Variants in GABRA3 observed in about 807,000 individuals in gnomAD.
GABRA3 encodes gamma-aminobutyric acid receptor subunit alpha-3.
GABRA3 carries 10 observed loss-of-function variants against 30.1 expected under a neutral mutation model. The ratio of observed to expected loss-of-function variants is 0.33; its 90% confidence interval spans 0.20 to 0.56. The LOEUF (loss-of-function observed/expected upper bound fraction) is 0.56. GABRA3 is among the 20% of genes least tolerant of loss of function. The pLI is 0.89. For missense variants in GABRA3, 233 were observed against 392.0 expected (o/e 0.59, Z 3.42); for synonymous variants, 151 against 146.8 (o/e 1.03, Z -0.21).
At chrX:152,387,390 A>G (rs989463791) in intron 1 of GABRA3, among the ~76,000 whole-genome samples, 1 of 111,728 alleles carries the variant, frequency 9.0e-6, no homozygotes, top group Admixed American at 9.5e-5. Context: ...TACATATAAT[A>G]AAGTTATTTT....
chrX:152,353,912 C>G (rs1327288293), intron 2 of GABRA3, among the ~76,000 whole-genome samples: 2 of 111,467 alleles, frequency 1.8e-5, no homozygotes, highest in Non-Finnish European at 1.9e-5. Flanking sequence ...ACATGTCCAT[C>G]CCTGTTCTGT....
At chrX:152,214,888 A>G (rs1465094881) in intron 6 of GABRA3, among the ~76,000 whole-genome samples, 1 of 109,490 alleles carries the variant, frequency 9.1e-6, no homozygotes, top group African/African-American at 3.3e-5. Context: ...GCATATAGAA[A>G]TGGTACTGAC....
intron 1 of GABRA3, among the ~76,000 whole-genome samples, chrX:152,395,527 G>A (rs1929637358): frequency 9.0e-6 from 1 of 111,251 alleles, no homozygotes; most frequent in Non-Finnish European, 1.9e-5. Context: ...CCACAATACT[G>A]AATCAAGTTT....
At chrX:152,189,288 A>G (rs1348655270) in intron 9 of GABRA3, among the ~76,000 whole-genome samples, 1 of 112,387 alleles carries the variant, frequency 8.9e-6, no homozygotes, top group Non-Finnish European at 1.9e-5. Flanking sequence ...GGCATGGGAA[A>G]AAACAAAGAG....
chrX:152,418,636 C>T (rs1197976931), intron 1 of GABRA3, among the ~76,000 whole-genome samples: 5 of 110,506 alleles, frequency 4.5e-5, no homozygotes, highest in African/African-American at 9.9e-5. Context: ...AAGTTAAAAC[C>T]GAAGAAAGTA....
At chrX:152,345,759 C>T (rs916555966) in intron 2 of GABRA3, 57 bp from the exon 3 acceptor site, 8 of 1,050,016 alleles carry the variant, frequency 7.6e-6, no homozygotes, top group Non-Finnish European at 1.0e-5. Context: ...AAAAAAAATA[C>T]ATGACTAGAT....
chrX:152,199,150 AG>A (rs1937433651), intron 7 of GABRA3, among the ~76,000 whole-genome samples: 1 of 110,812 alleles, frequency 9.0e-6, no homozygotes, highest in African/African-American at 3.3e-5. Context: ...GCAGATTACG[AG>A]GTCAGGAGAT....
chrX:152,421,453 GATA>G (rs1930371800), intron 1 of GABRA3, among the ~76,000 whole-genome samples: 1 of 110,911 alleles, frequency 9.0e-6, no homozygotes, highest in South Asian at 3.8e-4. Context: ...GATAACATAG[GATA>G]ATATCTTCAT....
At chrX:152,442,205 C>T (rs937051629) in intron 1 of GABRA3, among the ~76,000 whole-genome samples, 3 of 110,340 alleles carry the variant, frequency 2.7e-5, no homozygotes, top group African/African-American at 9.9e-5. Context: ...AGGAATGAAA[C>T]GGGGGCTAGA....
chrX:152,200,028 G>A (rs189865000), intron 7 of GABRA3, among the ~76,000 whole-genome samples: 1 of 111,740 alleles, frequency 8.9e-6, no homozygotes, highest in Admixed American at 9.5e-5. Context: ...CTCTGTCCTT[G>A]ACTCCTCTTC....
At chrX:152,437,223 A>G (rs1366453476) in intron 1 of GABRA3, among the ~76,000 whole-genome samples, 1 of 112,193 alleles carries the variant, frequency 8.9e-6, no homozygotes, top group Middle Eastern at 4.2e-3. Context: ...TATACTAGCA[A>G]TGAACAACTG....
At chrX:152,258,532 T>C (rs776491338) in intron 4 of GABRA3, among the ~76,000 whole-genome samples, 1 of 111,961 alleles carries the variant, frequency 8.9e-6, no homozygotes, top group East Asian at 2.8e-4. Context: ...GGACTACAAT[T>C]TCCAGAATTG....
chrX:152,329,916 C>A (rs1940134882), intron 3 of GABRA3, among the ~76,000 whole-genome samples: 1 of 111,773 alleles, frequency 8.9e-6, no homozygotes, highest in Non-Finnish European at 1.9e-5. Flanking sequence ...AGGCAACCTA[C>A]AGAATGGGAG....
chrX:152,239,147 C>G (rs1302894917), intron 5 of GABRA3, among the ~76,000 whole-genome samples: 1 of 96,443 alleles, frequency 1.0e-5, no homozygotes, highest in East Asian at 3.4e-4. Context: ...ATAAATTTCC[C>G]TCTACACACT....
At chrX:152,322,487 T>C (rs1265080327) in intron 3 of GABRA3, among the ~76,000 whole-genome samples, 2 of 111,897 alleles carry the variant, frequency 1.8e-5, no homozygotes, top group Non-Finnish European at 3.8e-5. Context: ...CCTTTTTATG[T>C]TATGTGAATT....
chrX:152,176,065 AAAATAAAT>A (rs61560461), intron 9 of GABRA3, among the ~76,000 whole-genome samples: 169 of 93,942 alleles, frequency 1.8e-3, no homozygotes, highest in South Asian at 3.0e-3. Flanking sequence ...TTCCATCTCA[AAAATAAAT>A]AAATAAATAA....
In GABRA3 at chrX:152,168,505, G is replaced by C; in HGVS notation, c.1202C>G (p.Thr401Ser). The C allele has an allele frequency of 8.3e-7, 1 of 1,211,355 alleles. No individual in the cohort carries two copies. The highest frequency in any genetic ancestry group is 1.1e-6 in the Non-Finnish European group (1 of 895,018). Reference protein sequence around the residue: ...KTSTTFNIVGTTYPINLAKDT... With the variant: ...KTSTTFNIVGSTYPINLAKDT... The stretch of plus-strand genomic sequence containing the variant: ...CTTGGCCAGGTTGATGGGATAGGTG[G>C]TCCCCACGATGTTGAAGGTAGTGCT... Residue 401 changes from threonine to serine, a missense_variant, in exon 10 of 10, where the codon ACC (threonine) becomes AGC (serine). By Grantham distance (58) the Thr-to-Ser change is moderately conservative. Around this residue, in one of 6 missense-constraint regions of GABRA3, gnomAD observed 66 missense variants for 57.1 expected, o/e 1.16. Coordinates refer to ENST00000370314, the MANE Select transcript of GABRA3 (RefSeq NM_000808.4).
At chrX:152,346,444 A>G (rs1940393893) in intron 2 of GABRA3, among the ~76,000 whole-genome samples, 1 of 111,732 alleles carries the variant, frequency 8.9e-6, no homozygotes, top group South Asian at 3.7e-4. Flanking sequence ...AAATTTCTTG[A>G]GCAATACCCT....
At chrX:152,278,695 G>C (rs182223127) in intron 4 of GABRA3, among the ~76,000 whole-genome samples, 2 of 111,329 alleles carry the variant, frequency 1.8e-5, no homozygotes, top group Non-Finnish European at 3.8e-5. Context: ...ACTGACTTCC[G>C]CAATAGTTGA....
Sources: gnomAD v4.1 joint callset for allele counts (sites outside exome capture counted in the v4.1 genomes callset) on GRCh38, gnomAD v4.1.1 for gene constraint, gnomAD v4.1.1 regional missense constraint, MANE v1.5 for transcripts, NCBI Gene and HGNC (gene_info 2026-07-23, HGNC 2026-07-21) for gene names.